Variants in WDR19 observed in about 807,000 individuals in gnomAD.
WDR19 encodes WD repeat-containing protein 19.
A neutral mutation model predicts 180.0 loss-of-function variants in WDR19; 121 were observed. The ratio of observed to expected loss-of-function variants is 0.67; its 90% CI spans 0.58 to 0.78. The LOEUF (loss-of-function observed/expected upper bound fraction) is 0.78. Ranked by LOEUF, WDR19 falls within the 30% of genes least tolerant of loss-of-function variation. WDR19 has a pLI of 0.00. For missense variants in WDR19, 1,450 were observed against 1,640.7 expected (o/e 0.88, Z 2.01); for synonymous variants, 497 against 540.7 (o/e 0.92, Z 1.12).
At position 39,277,079 on chromosome 4, in the gene WDR19, T is replaced by C. The variant is rs1267378402; in HGVS notation, c.3776T>C (p.Leu1259Pro). 9 of 1,613,928 alleles carry C rather than the reference T, an allele frequency of 5.6e-6. No homozygotes were observed. Among genetic ancestry groups the C allele is most frequent in the South Asian group, 2.2e-5 (2 of 91,066 alleles). ...ACTCCATGTCCATTCTGCAAATTTC[T>C]TCTCCCAGAGTGTGAACTCCTCTGT... is the stretch of plus-strand genomic sequence containing the variant. Reference protein sequence around the residue: ...ATTPCPFCKFLLPECELLCPG... With the variant: ...ATTPCPFCKFPLPECELLCPG... The change falls in exon 34 of 37, where the codon CTT (leucine) becomes CCT (proline). Residue 1259 changes from leucine to proline, a missense_variant. Physicochemically the swap from Leu to Pro is moderately conservative, Grantham distance 98 (BLOSUM62 -3). Coordinates refer to ENST00000399820, the MANE Select transcript of WDR19 (RefSeq NM_025132.4).
At chr4:39,218,586 G>A (rs1227026569) in intron 14 of WDR19, 1 of 153,190 alleles carries the variant, frequency 6.5e-6, no homozygotes, top group Non-Finnish European at 1.5e-5. Context: ...GAGTGAGTGA[G>A]TGAGTGGTGA....
At chr4:39,266,285 C>A in intron 29 of WDR19, 145 bp downstream of exon 29, 1 of 554,170 alleles carries the variant, frequency 1.8e-6, no homozygotes, top group Non-Finnish European at 2.9e-6. Flanking sequence ...CAGGAGCGTC[C>A]AATCTTTTTG....
intron 9 of WDR19, among the ~76,000 whole-genome samples, chr4:39,209,480 A>C (rs1400069517): frequency 6.6e-6 from 1 of 152,128 alleles, no homozygotes. Flanking sequence ...AATAAAAAGA[A>C]AATTGTGAAA....
intron 23 of WDR19, 57 bp from the exon 24 acceptor site, chr4:39,245,312 G>C: frequency 7.3e-7 from 1 of 1,369,734 alleles, no homozygotes; most frequent in Non-Finnish European, 1.0e-6. Context: ...GGTTATAGCA[G>C]GCTACTTTTG....
intron 10 of WDR19, among the ~76,000 whole-genome samples, chr4:39,215,011 G>T (rs966509433): frequency 6.6e-6 from 1 of 152,204 alleles, no homozygotes; most frequent in Non-Finnish European, 1.5e-5. Flanking sequence ...GACCTCAGGT[G>T]ATCCGCCTGC....
At chr4:39,236,858 T>G (rs2109383836) in intron 20 of WDR19, among the ~76,000 whole-genome samples, 1 of 152,350 alleles carries the variant, frequency 6.6e-6, no homozygotes, top group South Asian at 2.1e-4. Flanking sequence ...CTCTTAATTG[T>G]CAATAGTCTT....
At chr4:39,201,922 T>G (rs1727412009) in intron 6 of WDR19, among the ~76,000 whole-genome samples, 1 of 152,190 alleles carries the variant, frequency 6.6e-6, no homozygotes, top group Non-Finnish European at 1.5e-5. Flanking sequence ...ACATTATAAG[T>G]GTTGCTTTGT....
At chr4:39,278,107 A>G (rs1193469545) in intron 34 of WDR19, 24 bp from the exon 35 acceptor site, 2 of 1,570,580 alleles carry the variant, frequency 1.3e-6, no homozygotes, top group Non-Finnish European at 1.7e-6. Context: ...AGATGAATTT[A>G]ACTCTTAAAC....
chr4:39,229,763 A>T (rs1442695649), intron 17 of WDR19, among the ~76,000 whole-genome samples: 4 of 152,126 alleles, frequency 2.6e-5, no homozygotes, highest in African/African-American at 4.8e-5. Context: ...CTGTGTCTTT[A>T]TCTTAAACCT....
At chr4:39,199,214 C>T (rs192712537) in intron 5 of WDR19, among the ~76,000 whole-genome samples, 2 of 152,154 alleles carry the variant, frequency 1.3e-5, no homozygotes, top group South Asian at 2.1e-4. Flanking sequence ...ATATGATAAA[C>T]GAAGAAATCT....
chr4:39,232,239 C>CCTTG lies in WDR19; in HGVS notation c.2222_2225dup (p.Ser743CysfsTer45). On this transcript the variant is annotated frameshift_variant, in exon 19 of 37. Transcript: ENST00000399820. LOFTEE classifies it high-confidence loss of function. ...ATTATAACCTGGCTCAGGACTTGTA[C>CCTTG]CTTGCATCCAGCTGTCCTATTGCTG... 1 of 1,611,918 alleles carries CCTTG rather than the reference C, an allele frequency of 6.2e-7. No individual in the cohort carries two copies. Among genetic ancestry groups the CCTTG allele is most frequent in the Non-Finnish European group, 8.5e-7 (1 of 1,179,192 alleles).
chr4:39,278,834 A>G (rs960359433), intron 36 of WDR19, among the ~76,000 whole-genome samples, 171 bp downstream of exon 36: 9 of 152,162 alleles, frequency 5.9e-5, no homozygotes, highest in African/African-American at 2.2e-4. Context: ...AAATGCAGGT[A>G]TTATCATCTC....
intron 21 of WDR19, 96 bp from the exon 22 acceptor site, chr4:39,244,152 C>A: frequency 7.1e-7 from 1 of 1,402,982 alleles, no homozygotes; most frequent in Non-Finnish European, 9.5e-7. Flanking sequence ...AAACCATAAC[C>A]TTTGGACTCA....
intron 30 of WDR19, among the ~76,000 whole-genome samples, chr4:39,269,618 G>A (rs1227305230): frequency 6.6e-6 from 1 of 152,152 alleles, no homozygotes; most frequent in Non-Finnish European, 1.5e-5. Context: ...GGCCGAGGAG[G>A]GTGGATTTCT....
chr4:39,248,464 C>G (rs1198523106), intron 24 of WDR19, among the ~76,000 whole-genome samples: 1 of 152,164 alleles, frequency 6.6e-6, no homozygotes, highest in Non-Finnish European at 1.5e-5. Context: ...AAATAACCAG[C>G]TAACATCATA....
chr4:39,245,473 T>G (rs1358300462), intron 24 of WDR19, 21 bp downstream of exon 24: 27 of 1,602,652 alleles, frequency 1.7e-5, no homozygotes, highest in East Asian at 2.2e-5. Flanking sequence ...TTTCTCAAAT[T>G]TATACCAATT....
Position 39,277,130 on chromosome 4 carries a change from A to G in WDR19, c.3827A>G (p.Tyr1276Cys). The change falls in exon 34 of 37, where the codon TAT (tyrosine) becomes TGT (cysteine). Residue 1276 changes from tyrosine (Y) to cysteine (C), a missense_variant. Coordinates refer to ENST00000399820, the MANE Select transcript of WDR19 (RefSeq NM_025132.4). Reference sequence around the variant, plus strand: ...CCTGGATGTAAAAACAGTATCCCATATTGCATTGCAACAGTGAGTTCCTTT... The same window carrying G: ...CCTGGATGTAAAAACAGTATCCCATGTTGCATTGCAACAGTGAGTTCCTTT... ...LCPGCKNSIP[Y>C]CIATGRHMLK... 1 of 1,609,366 alleles carries G rather than the reference A, an allele frequency of 6.2e-7. No homozygotes were observed. The highest frequency in any genetic ancestry group is 8.5e-7 in the Non-Finnish European group (1 of 1,178,292).
At chr4:39,261,240 C>T (rs557679645) in intron 28 of WDR19, among the ~76,000 whole-genome samples, 13 of 152,020 alleles carry the variant, frequency 8.6e-5, no homozygotes, top group African/African-American at 1.2e-4. Context: ...GATCCACCCA[C>T]CTTGGCCTCC....
chr4:39,232,763 T>C (rs1240043182), intron 19 of WDR19, among the ~76,000 whole-genome samples: 1 of 151,896 alleles, frequency 6.6e-6, no homozygotes, highest in Admixed American at 6.6e-5. Flanking sequence ...TCTATATAAT[T>C]AAAATTTCTC....
Sources: allele counts gnomAD v4.1 joint callset (sites outside exome capture counted in the v4.1 genomes callset), GRCh38; gene constraint gnomAD v4.1.1; transcripts MANE v1.5; gene names NCBI Gene and HGNC (gene_info 2026-07-23, HGNC 2026-07-21).